PBRM1: variants seen among roughly 807,000 people sequenced by gnomAD.
PBRM1 encodes polybromo 1, also known as protein polybromo-1.
A neutral mutation model predicts 194.5 loss-of-function variants in PBRM1; 27 were observed. The ratio of observed to expected loss-of-function variants is 0.14; its 90% CI spans 0.10 to 0.19. The LOEUF (loss-of-function observed/expected upper bound fraction) is 0.19, where lower values mean the gene tolerates loss of function less well. PBRM1 is among the 10% of genes least tolerant of loss of function. The probability of loss-of-function intolerance (pLI) is 1.00; values close to 1 mark genes in which losing one functional copy is unlikely to be tolerated. For synonymous variants in PBRM1, 655 were observed against 693.2 expected, an observed-to-expected ratio of 0.94 and a Z score of 0.87; for missense variants, 1,466 against 2,077.2, an observed-to-expected ratio of 0.71 and a Z score of 5.72.
intron 11 of PBRM1, among the ~76,000 whole-genome samples, chr3:52,630,923 T>A (rs1266094925): frequency 6.6e-6 from 1 of 152,148 alleles, no homozygotes; most frequent in South Asian, 2.1e-4. Flanking sequence ...AATTTAAAAA[T>A]AATAATGAAG....
At chr3:52,613,819 G>T (rs1232374651) in intron 15 of PBRM1, among the ~76,000 whole-genome samples, 1 of 151,922 alleles carries the variant, frequency 6.6e-6, no homozygotes, top group African/African-American at 2.4e-5. Flanking sequence ...GGGAGACCCT[G>T]CCTCTATTAA....
intron 1 of PBRM1, 113 bp downstream of exon 2, chr3:52,679,461 A>G (rs2097167183): frequency 1.7e-5 from 15 of 902,384 alleles, no homozygotes. Context: ...CTATTAATCA[A>G]GAGAATCTTA....
chr3:52,605,593 C>T (rs1219786351), intron 16 of PBRM1, among the ~76,000 whole-genome samples: 4 of 150,288 alleles, frequency 2.7e-5, no homozygotes, highest in Non-Finnish European at 5.9e-5. Context: ...TGGGTGTTTC[C>T]GGAAAGTCTC....
rs2092753240 is a variant in PBRM1, at chr3:52,589,050, T to G, written c.2965+20A>C. The G allele has an allele frequency of 6.3e-7, 1 of 1,593,408 alleles. No individual in the cohort carries two copies. The highest frequency in any genetic ancestry group is 8.6e-7 in the Non-Finnish European group (1 of 1,163,934). On this transcript the variant is annotated intron_variant, in intron 18 of 29. Coordinates refer to ENST00000296302, the Ensembl canonical transcript of PBRM1. ...CAGTCATATCTCACTAAACTGTCCT[T>G]TGATTTAAAACAAACTTACCAGCTG...
At position 52,548,248 on chromosome 3, in the gene PBRM1, G is replaced by A; in HGVS notation, c.4898-13C>T. 6.5e-7 allele frequency: 1 copy of A among 1,547,952 alleles called. No individual in the cohort carries two copies. Among genetic ancestry groups the A allele is most frequent in the Non-Finnish European group, 8.7e-7 (1 of 1,152,896 alleles). On this transcript the variant is annotated splice_polypyrimidine_tract_variant and intron_variant, in intron 29 of 29. Coordinates refer to ENST00000296302, the Ensembl canonical transcript of PBRM1. Reference sequence around the variant, plus strand: ...TCGCGTCTTCGAGCTGAAAATTAAAGTACAGAGAGACAGAAATTAGAATTT... The same window carrying A: ...TCGCGTCTTCGAGCTGAAAATTAAAATACAGAGAGACAGAAATTAGAATTT...
intron 13 of PBRM1, 147 bp downstream of exon 15, chr3:52,624,750 G>GCTTT (rs1234215084): frequency 6.4e-6 from 4 of 623,474 alleles, no homozygotes; most frequent in Non-Finnish European, 1.1e-5. Flanking sequence ...AAACTGTACT[G>GCTTT]CTTTCTTTAT....
At chr3:52,552,324 A>G (rs1480493150) in intron 27 of PBRM1, among the ~76,000 whole-genome samples, 1 of 152,240 alleles carries the variant, frequency 6.6e-6, no homozygotes, top group Admixed American at 6.5e-5. Context: ...ATACTTGGGC[A>G]GCCGGTGAGA....
intron 17 of PBRM1, among the ~76,000 whole-genome samples, chr3:52,590,424 C>T (rs2092919827): frequency 6.6e-6 from 1 of 151,790 alleles, no homozygotes; most frequent in South Asian, 2.1e-4. Flanking sequence ...CCACTGCACT[C>T]CAGCCTGGGT....
chr3:52,562,264 T>C (rs902626948), intron 24 of PBRM1, among the ~76,000 whole-genome samples: 7 of 150,994 alleles, frequency 4.6e-5, no homozygotes, highest in African/African-American at 1.7e-4. Context: ...GAGACGGAGC[T>C]TGCATTAAGC....
upstream of PBRM1, among the ~76,000 whole-genome samples, chr3:52,680,672 T>C (rs1230452170): frequency 6.6e-6 from 1 of 152,114 alleles, no homozygotes; most frequent in Non-Finnish European, 1.5e-5. Context: ...TCTTTCTTTC[T>C]TTTTTAGGTG....
chr3:52,606,537 G>A (rs1306050024), intron 16 of PBRM1, among the ~76,000 whole-genome samples: 1 of 152,116 alleles, frequency 6.6e-6, no homozygotes, highest in Non-Finnish European at 1.5e-5. Context: ...TGAACATTCT[G>A]TACAAGAGTC....
chr3:52,587,781 A>G (rs2092593998), intron 18 of PBRM1, among the ~76,000 whole-genome samples: 1 of 134,224 alleles, frequency 7.5e-6, no homozygotes, highest in Admixed American at 8.2e-5. Context: ...TGAACCTAGC[A>G]CTGTGCTTAT....
At chr3:52,680,112 C>A (rs2097177705), upstream of PBRM1, among the ~76,000 whole-genome samples, 1 of 152,128 alleles carries the variant, frequency 6.6e-6, no homozygotes, top group Non-Finnish European at 1.5e-5. Context: ...GGTACAGAGG[C>A]CCCAAGGTAT....
intron 15 of PBRM1, among the ~76,000 whole-genome samples, chr3:52,610,308 A>G (rs2094543317): frequency 6.6e-6 from 1 of 152,218 alleles, no homozygotes; most frequent in African/African-American, 2.4e-5. Flanking sequence ...GGACATTAAT[A>G]ATTACCTTGA....
rs1487798763 is a variant in PBRM1, at chr3:52,609,959, AAG to A, written c.1925-6_1925-5del. The A allele has an allele frequency of 1.4e-6, 2 of 1,458,148 alleles. No homozygotes were observed. The highest frequency in any genetic ancestry group is 1.8e-6 in the Non-Finnish European group (2 of 1,091,434). The allele number at this position is 1,458,148 out of a possible 1,614,324, so 90.3% of individuals were successfully genotyped here. A position where few individuals can be genotyped will look rare whatever the true frequency, so the allele number is the denominator to read the frequency against. On this transcript the variant is annotated splice_polypyrimidine_tract_variant and splice_region_variant and intron_variant, in intron 15 of 29. Coordinates refer to ENST00000296302, the Ensembl canonical transcript of PBRM1. The surrounding 1 kb of genome is among the most constrained non-coding windows in gnomAD (Gnocchi z 4.1). ...GGAGAAATGCCACTCTTCCTACCTA[AAG>A]AGAGATATTTAATGTTAAATGAATA...
Position 52,610,000 on chromosome 3 carries a change from T to TA in PBRM1, c.1925-46dup. ...GTTAAATGAATAAAATAAATGAACC[T>TA]AAATTTGTATACAGATGGTAGCATA... On this transcript the variant is annotated intron_variant, in intron 15 of 29. Coordinates refer to ENST00000296302, the Ensembl canonical transcript of PBRM1. The surrounding 1 kb of genome is among the most constrained non-coding windows in gnomAD (Gnocchi z 4.1). 8.4e-7 allele frequency: 1 copy of TA among 1,188,440 alleles called. No individual in the cohort carries two copies. Among genetic ancestry groups the TA allele is most frequent in the Non-Finnish European group, 1.2e-6 (1 of 862,914 alleles). 73.6% of individuals were successfully genotyped at this position (1,188,440 alleles called of 1,614,324 possible).
intron 15 of PBRM1, among the ~76,000 whole-genome samples, chr3:52,612,465 G>T (rs572306046): frequency 1.3e-5 from 2 of 151,890 alleles, no homozygotes; most frequent in South Asian, 2.1e-4. Flanking sequence ...GGGAAATAAA[G>T]AAAAAAGTTA....
At chr3:52,632,749 T>G (rs187881137) in intron 11 of PBRM1, among the ~76,000 whole-genome samples, 1 of 150,364 alleles carries the variant, frequency 6.7e-6, no homozygotes, top group South Asian at 2.1e-4. Context: ...AGTGCAGTGG[T>G]GCGACCTAGA....
chr3:52,666,402 G>C (rs954822697), intron 3 of PBRM1, among the ~76,000 whole-genome samples: 3 of 152,158 alleles, frequency 2.0e-5, no homozygotes, highest in African/African-American at 7.2e-5. Flanking sequence ...CAGGCATGAT[G>C]GTGGGTGCCT....
Sources: allele counts gnomAD v4.1 joint callset (sites outside exome capture counted in the v4.1 genomes callset), GRCh38; gene constraint gnomAD v4.1.1; non-coding constraint Gnocchi (gnomAD v3.1); transcripts MANE v1.5; gene names NCBI Gene and HGNC (gene_info 2026-07-23, HGNC 2026-07-21).